MYH11: variants seen among roughly 807,000 people sequenced by gnomAD.
The protein encoded by MYH11 is myosin heavy chain 11, also known as myosin-11.
In MYH11, 80 loss-of-function variants were observed where a neutral mutation model predicts 246.6. That is an observed-to-expected ratio of 0.32 (90% CI 0.27 to 0.39). The LOEUF (loss-of-function observed/expected upper bound fraction) is 0.39. Among genes scored for constraint, MYH11 ranks in the 10% least tolerant of loss-of-function variants. The pLI is 1.00. For synonymous variants in MYH11, 1,071 were observed against 1,015.5 expected, an observed-to-expected ratio of 1.05 and a Z score of -1.04; for missense variants, 2,158 against 2,546.8, an observed-to-expected ratio of 0.85 and a Z score of 3.29.
rs756118392 is a variant in MYH11, at chr16:15,778,802, G to A, written c.768C>T (p.Ile256=). 11 of 1,613,968 alleles carry A rather than the reference G, an allele frequency of 6.8e-6. No individual in the cohort carries two copies. The highest frequency in any genetic ancestry group is 1.1e-5 in the South Asian group (1 of 91,076). The change falls in exon 7 of 41, where the codon ATC becomes ATT. Residue 256 remains isoleucine (I), a synonymous_variant. Transcript: ENST00000300036. Reference sequence around the variant, plus strand: ...TACAGGTCTCAATGTTGGCTCCCACGATGTAACCCGTGACGTCGAAGTTGA... The same window carrying A: ...TACAGGTCTCAATGTTGGCTCCCACAATGTAACCCGTGACGTCGAAGTTGA... The part of the protein sequence containing the change: ...IRINFDVTGY[I]VGANIETYLL...
At chr16:15,714,617 A>C (rs2040012119) in intron 40 of MYH11, 1 of 546,966 alleles carries the variant, frequency 1.8e-6, no homozygotes, top group African/African-American at 1.9e-5. Flanking sequence ...GAGGGGCTGG[A>C]GGAGACAGTG....
chr16:15,733,081 A>T (rs1378335201), intron 26 of MYH11: 10 of 318,070 alleles, frequency 3.1e-5, no homozygotes, highest in Non-Finnish European at 6.0e-5. Flanking sequence ...TCTAATCCTC[A>T]GAGCAACCCA....
rs569096085 is a variant in MYH11, at chr16:15,846,806, T to A, written c.-17-8537A>T. Among the ~76,000 whole-genome samples, 4 of 152,100 alleles carry A rather than the reference T, an allele frequency of 2.6e-5. 1 individual carries two copies. In the East Asian group the frequency reaches 7.7e-4, roughly 29 times the overall value. On this transcript the variant is annotated intron_variant, in intron 1 of 40. Coordinates refer to ENST00000300036, the MANE Select transcript of MYH11 (RefSeq NM_002474.3). ...TTGTCTCTAGCAAACATACAAAAATTAACCGGTTGTGATAGTGTGCACCTG... is the reference window on the plus strand; with the variant it reads ...TTGTCTCTAGCAAACATACAAAAATAAACCGGTTGTGATAGTGTGCACCTG...
At chr16:15,727,114 G>T in intron 27 of MYH11, 60 bp from the exon 28 acceptor site, 2 of 1,520,554 alleles carry the variant, frequency 1.3e-6, no homozygotes, top group Non-Finnish European at 9.1e-7. Context: ...GAACGTTTCA[G>T]GCCCTGCCCT....
At chr16:15,741,433 C>A in intron 22 of MYH11, 30 bp downstream of exon 22, 1 of 1,602,180 alleles carries the variant, frequency 6.2e-7, no homozygotes, top group East Asian at 2.2e-5. Flanking sequence ...GATTTGCTAC[C>A]CACCACGGGC....
rs1413619296 is a variant in MYH11, at chr16:15,853,432, A to G, written c.-18+3509T>C. ...CTCCCAAATTGCTGGGATTACAGGT[A>G]TGACCTGCCATACCTGGCCTCTATG... is the stretch of plus-strand genomic sequence containing the variant. On this transcript the variant is annotated intron_variant, in intron 1 of 40. Coordinates refer to ENST00000300036, the MANE Select transcript of MYH11 (RefSeq NM_002474.3). 5.3e-5 allele frequency among the ~76,000 whole-genome samples: 8 copies of G among 152,190 alleles called. No homozygotes were observed. In the East Asian group the frequency reaches 5.8e-4, roughly 11 times the overall value.
At chr16:15,719,840 C>G (rs752863991) in intron 34 of MYH11, 127 bp from the exon 35 acceptor site, 1 of 1,353,808 alleles carries the variant, frequency 7.4e-7, no homozygotes, top group South Asian at 1.2e-5. Context: ...TCCCATTGCA[C>G]GAGCATGGCT....
In MYH11 at chr16:15,802,309, G is replaced by A. The variant is rs2042907001; in HGVS notation, c.503-3622C>T. 2.0e-5 allele frequency among the ~76,000 whole-genome samples: 3 copies of A among 152,324 alleles called. No homozygotes were observed. In the South Asian group the frequency reaches 6.2e-4, roughly 32 times the overall value. ...CTGAATTCTCTCAGCAGCTCCTGGG[G>A]TGGGCACTGGCATTGCCTCCATTTT... On this transcript the variant is annotated intron_variant, in intron 3 of 40. Transcript: ENST00000300036.
intron 4 of MYH11, among the ~76,000 whole-genome samples, chr16:15,793,281 T>G (rs1248236825): frequency 6.6e-6 from 1 of 152,070 alleles, no homozygotes; most frequent in East Asian, 1.9e-4. Context: ...CTTCCTTTCT[T>G]GTCTTCCTTC....
intron 16 of MYH11, chr16:15,749,047 C>T (rs563745174): frequency 6.6e-6 from 1 of 152,436 alleles, no homozygotes; most frequent in African/African-American, 2.4e-5. Flanking sequence ...GATCTAGCCC[C>T]TGCCTACCCA....
chr16:15,854,525 G>C (rs1211464278), intron 1 of MYH11, among the ~76,000 whole-genome samples: 1 of 152,148 alleles, frequency 6.6e-6, no homozygotes, highest in African/African-American at 2.4e-5. Context: ...TACTCTAAAG[G>C]GTTGTTATGA....
chr16:15,826,850 G>A (rs1218036319), intron 2 of MYH11, among the ~76,000 whole-genome samples: 1 of 151,830 alleles, frequency 6.6e-6, no homozygotes, highest in Non-Finnish European at 1.5e-5. Flanking sequence ...AAAATTAGCA[G>A]GGCATGGTGG....
chr16:15,790,336 AGAC>A (rs1271465179), intron 4 of MYH11, among the ~76,000 whole-genome samples: 3,951 of 146,266 alleles, frequency 0.027, 177 homozygotes, highest in African/African-American at 0.092. Context: ...ACAAACAGAC[AGAC>A]AAAAAAAAAA....
intron 40 of MYH11, among the ~76,000 whole-genome samples, chr16:15,712,320 G>T (rs2039848530): frequency 6.6e-6 from 1 of 152,122 alleles, no homozygotes; most frequent in Non-Finnish European, 1.5e-5. Flanking sequence ...AAAGCGCCAA[G>T]ATTAGTTGAG....
In MYH11 at chr16:15,766,344, GGTGTGTGTGTGTGT is replaced by G. The variant is rs3073439; in HGVS notation, c.1034-2467_1034-2454del. ...TATGTGAAGTGTACCCATGTTTTTT[GGTGTGTGTGTGTGT>G]GTGTGTGTGTGTGTGTGTGTGTGTG... On this transcript the variant is annotated intron_variant, in intron 9 of 40. Transcript: ENST00000300036. Among the ~76,000 whole-genome samples the G allele has an allele frequency of 9.7e-4, 132 of 136,784 alleles. 1 individual carries two copies. The highest frequency in any genetic ancestry group is 4.9e-3 in the South Asian group (20 of 4,062). 89.7% of individuals were successfully genotyped at this position (136,784 alleles called of 152,430 possible). A position where few individuals can be genotyped will look rare whatever the true frequency, so the allele number is the denominator to read the frequency against.
intron 2 of MYH11, among the ~76,000 whole-genome samples, chr16:15,827,202 A>G (rs1000138250): frequency 6.6e-6 from 1 of 152,108 alleles, no homozygotes; most frequent in African/African-American, 2.4e-5. Context: ...AAGAACTTAA[A>G]TCAGAGGGGG....
chr16:15,750,369 C>T lies in MYH11; in HGVS notation c.1865-38G>A, dbSNP rs1262964844. The T allele has an allele frequency of 9.0e-6, 14 of 1,551,568 alleles. No individual in the cohort carries two copies. Among genetic ancestry groups the T allele is most frequent in the Non-Finnish European group, 9.6e-6 (11 of 1,150,262 alleles). ...GCCAGGGTGGCATCAGCCTCTGGCC[C>T]ACCCACCCCTAAATAGGCCAGAGGC... On this transcript the variant is annotated intron_variant, in intron 15 of 40. Coordinates refer to ENST00000300036, the MANE Select transcript of MYH11 (RefSeq NM_002474.3). This position sits in a 1 kb window ranked among gnomAD's most constrained non-coding sequence, Gnocchi z 4.3.
chr16:15,717,443 C>A, intron 37 of MYH11, 95 bp from the exon 38 acceptor site: 1 of 1,325,442 alleles, frequency 7.5e-7, no homozygotes, highest in Non-Finnish European at 1.1e-6. Flanking sequence ...GGCCTCTGCA[C>A]GAGTCCCTTG....
rs987334363 is a variant in MYH11 at position 15,720,137 on chromosome 16, C to G, written c.4953+14G>C. The G allele has an allele frequency of 2.5e-6, 4 of 1,614,134 alleles. No individual in the cohort carries two copies. The South Asian group carries it at 4.4e-5, about 18-fold the overall frequency. Reference sequence around the variant, plus strand: ...CTCCCTCCACCCATGCCCCAAGCTCCTAGTGTCACCCACCTGCAGTTTGCG... The same window carrying G: ...CTCCCTCCACCCATGCCCCAAGCTCGTAGTGTCACCCACCTGCAGTTTGCG... On this transcript the variant is annotated intron_variant, in intron 34 of 40. Transcript: ENST00000300036.
Sources: allele counts gnomAD v4.1 joint callset (sites outside exome capture counted in the v4.1 genomes callset), GRCh38; gene constraint gnomAD v4.1.1; non-coding constraint Gnocchi (gnomAD v3.1); transcripts MANE v1.5; gene names NCBI Gene and HGNC (gene_info 2026-07-23, HGNC 2026-07-21).